CTNNA3: variants seen among roughly 807,000 people sequenced by gnomAD.
CTNNA3 encodes catenin alpha 3.
In CTNNA3, 76 loss-of-function variants were observed where a neutral mutation model predicts 95.7. The observed-to-expected ratio is 0.79, with a 90% confidence interval of 0.66 to 0.96. The LOEUF is 0.96. CTNNA3 is among the 40% of genes least tolerant of loss of function. The probability of loss-of-function intolerance (pLI) is 0.00; values close to 1 mark genes in which losing one functional copy is unlikely to be tolerated. For synonymous variants in CTNNA3, 431 were observed against 374.4 expected (o/e 1.15, Z -1.74); for missense variants, 1,191 against 1,089.8 (o/e 1.09, Z -1.31).
intron 7 of CTNNA3, among the ~76,000 whole-genome samples, chr10:66,821,575 T>C (rs1295667959): frequency 1.3e-5 from 2 of 152,178 alleles, no homozygotes; most frequent in African/African-American, 4.8e-5. Flanking sequence ...TGATCTTTAT[T>C]ACATACAAAA....
At chr10:66,148,713 G>GAAAT (rs3053702) in intron 13 of CTNNA3, among the ~76,000 whole-genome samples, 103,816 of 150,638 alleles carry the variant, frequency 0.69, 36,006 homozygotes, top group South Asian at 0.85. Flanking sequence ...AGGACTATGA[G>GAAAT]AAATAAATAA....
intron 7 of CTNNA3, among the ~76,000 whole-genome samples, chr10:67,028,472 C>T (rs1342966632): frequency 6.6e-6 from 1 of 151,440 alleles, no homozygotes; most frequent in East Asian, 1.9e-4. Context: ...GAAGGTAGTA[C>T]TTGAGAGTGG....
chr10:66,807,311 G>A (rs1257639469), intron 7 of CTNNA3, among the ~76,000 whole-genome samples: 2 of 152,020 alleles, frequency 1.3e-5, no homozygotes, highest in Admixed American at 6.6e-5. Context: ...CCTCACTACT[G>A]TACTAAAATC....
intron 11 of CTNNA3, among the ~76,000 whole-genome samples, chr10:66,381,292 G>A (rs1464421482): frequency 1.3e-5 from 2 of 152,090 alleles, no homozygotes; most frequent in Non-Finnish European, 2.9e-5. Context: ...CTAGGCAAAT[G>A]TTCCTGCCTC....
chr10:66,216,852 T>C (rs1325710534), intron 13 of CTNNA3, among the ~76,000 whole-genome samples: 1 of 152,160 alleles, frequency 6.6e-6, no homozygotes, highest in East Asian at 1.9e-4. Flanking sequence ...GTGCAATAAA[T>C]GTGTATAGCT....
rs534149803 is a variant in CTNNA3, at chr10:66,838,177, G to C, written c.1048-62653C>G. Reference sequence around the variant, plus strand: ...GCATGATTTAATAGAATAGGAAGCAGGCCAAGAACCACAGACTAGGGAGAG... The same window carrying C: ...GCATGATTTAATAGAATAGGAAGCACGCCAAGAACCACAGACTAGGGAGAG... On this transcript the variant is annotated intron_variant, in intron 7 of 17. Transcript: ENST00000433211. Among the ~76,000 whole-genome samples the C allele has an allele frequency of 5.3e-5, 8 of 152,204 alleles. No individual in the cohort carries two copies. The South Asian group carries it at 1.5e-3, about 28-fold the overall frequency.
chr10:67,614,610 G>A (rs1317541897), intron 2 of CTNNA3, among the ~76,000 whole-genome samples: 1 of 152,122 alleles, frequency 6.6e-6, no homozygotes, highest in Non-Finnish European at 1.5e-5. Context: ...TGCAAGCGAT[G>A]GGGGTTGGCT....
chr10:67,181,159 A>G (rs189889813), intron 6 of CTNNA3, among the ~76,000 whole-genome samples: 1 of 152,328 alleles, frequency 6.6e-6, no homozygotes, highest in East Asian at 1.9e-4. Context: ...CATAAACTTT[A>G]GTTAACTTTA....
intron 5 of CTNNA3, among the ~76,000 whole-genome samples, chr10:67,452,591 C>G (rs1445387133): frequency 6.6e-6 from 1 of 152,136 alleles, no homozygotes. Context: ...TATTTTAATA[C>G]ATTTGCTATG....
intron 11 of CTNNA3, among the ~76,000 whole-genome samples, chr10:66,478,723 T>C (rs937522830): frequency 1.3e-5 from 2 of 151,956 alleles, no homozygotes; most frequent in African/African-American, 4.8e-5. Flanking sequence ...TTTCATGAAA[T>C]ATATAATTAT....
chr10:66,434,506 C>T (rs781691142), intron 11 of CTNNA3, among the ~76,000 whole-genome samples: 31 of 152,170 alleles, frequency 2.0e-4, no homozygotes, highest in Non-Finnish European at 3.8e-4. Flanking sequence ...TATCCTGAGA[C>T]TCTGCTGAAG....
At chr10:66,891,964 C>T (rs1273620970) in intron 7 of CTNNA3, among the ~76,000 whole-genome samples, 1 of 151,972 alleles carries the variant, frequency 6.6e-6, no homozygotes, top group Non-Finnish European at 1.5e-5. Flanking sequence ...TCTGCCATTG[C>T]CAAACATGTA....
chr10:67,565,995 T>TTATA (rs1374975755), intron 3 of CTNNA3, among the ~76,000 whole-genome samples: 11 of 105,602 alleles, frequency 1.0e-4, no homozygotes, highest in African/African-American at 4.0e-4. Flanking sequence ...TATATATATA[T>TTATA]TATATATATA....
chr10:66,423,276 C>T (rs1342785348), intron 11 of CTNNA3, among the ~76,000 whole-genome samples: 4 of 152,074 alleles, frequency 2.6e-5, no homozygotes, highest in African/African-American at 9.7e-5. Flanking sequence ...TTTTTTTCTT[C>T]TCCTGACTGC....
intron 7 of CTNNA3, among the ~76,000 whole-genome samples, chr10:67,126,463 C>G (rs914296515): frequency 1.1e-4 from 17 of 152,170 alleles, no homozygotes; most frequent in Non-Finnish European, 2.9e-5. Context: ...GGAGGCGGAG[C>G]CAAGATTGTG....
Position 67,319,392 on chromosome 10 carries a change from G to A in CTNNA3, c.580-99522C>T, listed in dbSNP as rs192260226. ...GTCATAGGGACCAGGGGTAATCTCC[G>A]GTAACCCCAACCCGGTAGCACACTA... On this transcript the variant is annotated intron_variant, in intron 5 of 17. Transcript: ENST00000433211. Among the ~76,000 whole-genome samples the A allele has an allele frequency of 2.4e-4, 36 of 152,090 alleles. 1 individual carries two copies. The highest frequency in any genetic ancestry group is 2.3e-3 in the East Asian group (12 of 5,160).
chr10:67,570,320 T>C (rs1327476676), intron 3 of CTNNA3, among the ~76,000 whole-genome samples: 2 of 152,050 alleles, frequency 1.3e-5, no homozygotes, highest in African/African-American at 4.8e-5. Context: ...CACTTCTTGT[T>C]TCCTTTCCTG....
chr10:67,515,006 T>C (rs1839767798), intron 5 of CTNNA3, among the ~76,000 whole-genome samples: 1 of 152,174 alleles, frequency 6.6e-6, no homozygotes, highest in Non-Finnish European at 1.5e-5. Flanking sequence ...ACCTTAGGAA[T>C]TAAAAGATGT....
intron 3 of CTNNA3, among the ~76,000 whole-genome samples, chr10:67,594,976 A>T (rs558926743): frequency 6.6e-6 from 1 of 152,250 alleles, no homozygotes; most frequent in East Asian, 1.9e-4. Flanking sequence ...GTGAGAACAC[A>T]CAATGCTTGG....
Sources: gnomAD v4.1 joint callset for allele counts (sites outside exome capture counted in the v4.1 genomes callset) on GRCh38, gnomAD v4.1.1 for gene constraint, MANE v1.5 for transcripts, NCBI Gene and HGNC (gene_info 2026-07-23, HGNC 2026-07-21) for gene names.